The following ADGRF3 variants were observed in gnomAD, a reference collection of about 807,000 sequenced individuals.
ADGRF3 encodes adhesion G protein-coupled receptor F3, also known as G protein-coupled receptor 113.
ADGRF3 carries 85 observed loss-of-function variants against 93.2 expected under a neutral mutation model. The observed-to-expected ratio is 0.91, with a 90% CI of 0.77 to 1.09. The LOEUF (loss-of-function observed/expected upper bound fraction) is 1.09. ADGRF3 is among the 50% of genes least tolerant of loss of function. ADGRF3 has a pLI of 0.00. For missense variants in ADGRF3, 1,125 were observed against 1,246.2 expected (o/e 0.90, Z 1.46); for synonymous variants, 534 against 532.5 (o/e 1.00, Z -0.04).
At chr2:26,309,335 G>T in intron 13 of ADGRF3, 191 bp downstream of exon 13, 1 of 1,483,226 alleles carries the variant, frequency 6.7e-7, no homozygotes, top group Non-Finnish European at 8.9e-7. Context: ...TATGCTTTCT[G>T]CTCTCTGACA....
intron 1 of ADGRF3, among the ~76,000 whole-genome samples, chr2:26,326,780 CT>C (rs994695864): frequency 4.7e-4 from 71 of 151,980 alleles, no homozygotes; most frequent in Non-Finnish European, 7.8e-4. Context: ...TAGCCTTTTT[CT>C]TTTTTCTTTG....
chr2:26,320,004 T>G (rs1448556412), intron 1 of ADGRF3, among the ~76,000 whole-genome samples: 1 of 152,230 alleles, frequency 6.6e-6, no homozygotes, highest in Admixed American at 6.5e-5. Context: ...TAATACTGGT[T>G]TTTTATGTAT....
In ADGRF3 at chr2:26,311,440, G is replaced by A; in HGVS notation, c.2084C>T (p.Thr695Ile). The A allele has an allele frequency of 1.2e-6, 2 of 1,614,084 alleles. No homozygotes were observed. The highest frequency in any genetic ancestry group is 1.7e-6 in the Non-Finnish European group (2 of 1,179,904). Residue 695 changes from threonine to isoleucine, a missense_variant, in exon 10 of 14, where the codon ACT becomes ATT. Physicochemically the swap from Thr to Ile is moderately conservative, Grantham distance 89. Transcript: ENST00000651242. ...CGCCAGAGCGGGTTCTTCCGGAACA[G>A]TGTGTGGGGACATGAGGACGGAGAA... ...TAFSVLMSPH[T>I]VPEEPALALL...
chr2:26,345,125 T>C (rs940691298), intron 1 of ADGRF3, among the ~76,000 whole-genome samples: 5 of 152,166 alleles, frequency 3.3e-5, no homozygotes, highest in Non-Finnish European at 7.4e-5. Context: ...TAAGTGACTC[T>C]GGGCAGGCTG....
At chr2:26,345,911 A>T in intron 1 of ADGRF3, 2 of 548,080 alleles carry the variant, frequency 3.6e-6, no homozygotes, top group East Asian at 6.4e-5. Flanking sequence ...TAGCAAATGA[A>T]GCGACGAAGA....
In ADGRF3 at chr2:26,311,044, AG is replaced by A; in HGVS notation, c.2479del (p.Leu827TrpfsTer18). On this transcript the variant is annotated frameshift_variant, in exon 10 of 14. Transcript: ENST00000651242. LOFTEE classifies it high-confidence loss of function. Reference sequence around the variant, plus strand: ...CCCCAGGGTGACACCTGCCAACCCCAGTGGGCACAGGTAGCCCAGGAGCACC... The same window carrying A: ...CCCCAGGGTGACACCTGCCAACCCCATGGGCACAGGTAGCCCAGGAGCACC... ...LMVLLGYLCP[L>X]GLAGVTLGLY... The A allele has an allele frequency of 2.5e-6, 4 of 1,610,406 alleles. No homozygotes were observed. The highest frequency in any genetic ancestry group is 3.4e-6 in the Non-Finnish European group (4 of 1,178,422).
intron 1 of ADGRF3, among the ~76,000 whole-genome samples, chr2:26,339,233 T>C (rs1346901717): frequency 5.3e-5 from 8 of 150,302 alleles, no homozygotes; most frequent in East Asian, 2.0e-4. Context: ...TGGTGGCTCA[T>C]GCCTGTAATC....
chr2:26,318,874 A>T, intron 1 of ADGRF3: 1 of 1,545,406 alleles, frequency 6.5e-7, no homozygotes, highest in Non-Finnish European at 8.8e-7. Context: ...CCCACTACCT[A>T]TCCTTTCATT....
rs753326628 is a variant in ADGRF3 at position 26,310,992 on chromosome 2, C to T, written c.2532G>A (p.Leu844=). ...LGLYLPQGQY[L]REGECWLDGK... ...CATCCAACCAGCATTCCCCCTCCCT[C>T]AGGTATTGCCCTTGAGGTAGGTAGA... is the stretch of plus-strand genomic sequence containing the variant. The change falls in exon 10 of 14, where the codon CTG becomes CTA. Residue 844 remains leucine (L), a synonymous_variant. Coordinates refer to ENST00000651242, the MANE Select transcript of ADGRF3 (RefSeq NM_001321971.2). 7.4e-6 allele frequency: 12 copies of T among 1,613,448 alleles called. No individual in the cohort carries two copies. The highest frequency in any genetic ancestry group is 9.3e-6 in the Non-Finnish European group (11 of 1,179,782).
rs1453284169 is a variant in ADGRF3 at position 26,346,171 on chromosome 2, T to A, written c.64A>T (p.Lys22Ter). ...ATPGYKAVTH[K>*]HHTGWARMAK... ...ATCCTTGCCCAGCCGGTGTGGTGCTTGTGTGTCACAGCCTTGTAGCCGGGA... is the reference window on the plus strand; with the variant it reads ...ATCCTTGCCCAGCCGGTGTGGTGCTAGTGTGTCACAGCCTTGTAGCCGGGA... The change falls in exon 1 of 14, where the codon AAG becomes TAG. Residue 22 changes from lysine (K) to a stop codon, truncating the protein, a stop_gained. Coordinates refer to ENST00000651242, the MANE Select transcript of ADGRF3 (RefSeq NM_001321971.2). LOFTEE classifies it high-confidence loss of function. 6.2e-7 allele frequency: 1 copy of A among 1,612,052 alleles called. No homozygotes were observed. Among genetic ancestry groups the A allele is most frequent in the Non-Finnish European group, 8.5e-7 (1 of 1,179,084 alleles).
intron 1 of ADGRF3, among the ~76,000 whole-genome samples, chr2:26,339,863 G>A (rs1176597684): frequency 1.3e-5 from 2 of 152,104 alleles, no homozygotes; most frequent in East Asian, 1.9e-4. Context: ...GGTGGATTAG[G>A]ACCCAAGAGA....
At chr2:26,342,391 G>A (rs559522983) in intron 1 of ADGRF3, among the ~76,000 whole-genome samples, 1 of 152,160 alleles carries the variant, frequency 6.6e-6, no homozygotes, top group South Asian at 2.1e-4. Flanking sequence ...GGAAGACCCT[G>A]CCCATTTTTA....
In ADGRF3 at chr2:26,311,955, T is replaced by A. The variant is rs1263988186; in HGVS notation, c.1569A>T (p.Ala523=). 3.1e-6 allele frequency: 5 copies of A among 1,613,720 alleles called. No homozygotes were observed. Among genetic ancestry groups the A allele is most frequent in the Non-Finnish European group, 2.5e-6 (3 of 1,179,868 alleles). The part of the protein sequence containing the change: ...STLLLAVETL[A]CSLCPQDHPF... ...GGTGGTCCTGTGGGCACAGGCTGCA[T>A]GCCAGGGTCTCCACAGCCAGCAGGA... Residue 523 remains alanine, a synonymous_variant, in exon 10 of 14, where the codon GCA becomes GCT. Coordinates refer to ENST00000651242, the MANE Select transcript of ADGRF3 (RefSeq NM_001321971.2).
chr2:26,311,267 C>A lies in ADGRF3; in HGVS notation c.2257G>T (p.Ala753Ser). The A allele has an allele frequency of 1.2e-6, 2 of 1,613,276 alleles. No homozygotes were observed. The highest frequency in any genetic ancestry group is 1.7e-6 in the Non-Finnish European group (2 of 1,179,630). Reference sequence around the variant, plus strand: ...GCGCCCAGGAAGCAAGTGTCTGCGGCCAGCAAGCAGAACACCATGTTGAGC... The same window carrying A: ...GCGCCCAGGAAGCAAGTGTCTGCGGACAGCAAGCAGAACACCATGTTGAGC... ...ALLNMVFCLL[A>S]ADTCFLGAPF... The change falls in exon 10 of 14, where the codon GCC becomes TCC. Residue 753 changes from alanine (A) to serine (S), a missense_variant. Coordinates refer to ENST00000651242, the MANE Select transcript of ADGRF3 (RefSeq NM_001321971.2).
chr2:26,314,390 C>T (rs762878138), intron 6 of ADGRF3, 24 bp downstream of exon 6: 1 of 1,599,388 alleles, frequency 6.3e-7, no homozygotes, highest in Admixed American at 1.7e-5. Flanking sequence ...CCTCTGACCC[C>T]TGACTGCTGG....
chr2:26,314,387 C>A (rs764680506), intron 6 of ADGRF3, 27 bp downstream of exon 6: 6 of 1,596,452 alleles, frequency 3.8e-6, no homozygotes, highest in Non-Finnish European at 4.3e-6. Context: ...GTCCCTCTGA[C>A]CCCTGACTGC....
At chr2:26,333,684 A>G (rs537840161) in intron 1 of ADGRF3, among the ~76,000 whole-genome samples, 3 of 152,128 alleles carry the variant, frequency 2.0e-5, no homozygotes, top group Non-Finnish European at 4.4e-5. Flanking sequence ...ATCCCCAGCC[A>G]CAGATGCCTT....
At position 26,311,056 on chromosome 2, in the gene ADGRF3, T is replaced by C. The variant is rs770989744; in HGVS notation, c.2468A>G (p.Tyr823Cys). 1 of 1,609,268 alleles carries C rather than the reference T, an allele frequency of 6.2e-7. No individual in the cohort carries two copies. Among genetic ancestry groups the C allele is most frequent in the South Asian group, 1.1e-5 (1 of 90,052 alleles). The change falls in exon 10 of 14, where the codon TAC becomes TGC. Residue 823 changes from tyrosine (Y) to cysteine (C), a missense_variant. Transcript: ENST00000651242. ...RVLPLMVLLGYLCPLGLAGVT... is the reference protein window; with the variant it reads ...RVLPLMVLLGCLCPLGLAGVT... ...ACCTGCCAACCCCAGTGGGCACAGGTAGCCCAGGAGCACCATGAGGGGGAG... is the reference window on the plus strand; with the variant it reads ...ACCTGCCAACCCCAGTGGGCACAGGCAGCCCAGGAGCACCATGAGGGGGAG...
chr2:26,325,454 T>C (rs1675388511), intron 1 of ADGRF3, among the ~76,000 whole-genome samples: 1 of 152,242 alleles, frequency 6.6e-6, no homozygotes, highest in Admixed American at 6.5e-5. Context: ...AATTTAAGTA[T>C]CTAAGTCTGG....
Sources: gnomAD v4.1 joint callset for allele counts (sites outside exome capture counted in the v4.1 genomes callset) on GRCh38, gnomAD v4.1.1 for gene constraint, MANE v1.5 for transcripts, NCBI Gene and HGNC (gene_info 2026-07-23, HGNC 2026-07-21) for gene names.